Variants in CCSER1 observed in about 807,000 individuals in gnomAD.
CCSER1 encodes the protein serine-rich coiled-coil domain-containing protein 1.
In CCSER1, 41 loss-of-function variants were observed where a neutral mutation model predicts 82.0. The ratio of observed to expected loss-of-function variants is 0.50; its 90% confidence interval spans 0.39 to 0.65. The LOEUF is 0.65. Ranked by LOEUF, CCSER1 falls within the 30% of genes least tolerant of loss-of-function variation. The pLI, the probability that CCSER1 is intolerant of heterozygous loss-of-function variation, is 0.00. For missense variants in CCSER1, 1,119 were observed against 1,064.2 expected, an observed-to-expected ratio of 1.05 and a Z score of -0.72; for synonymous variants, 414 against 383.9, an observed-to-expected ratio of 1.08 and a Z score of -0.92.
rs190985565 is a variant in CCSER1 at position 91,114,073 on chromosome 4, C to T, written c.2217+28079C>T. On this transcript the variant is annotated intron_variant, in intron 10 of 10. Transcript: ENST00000509176. The stretch of plus-strand genomic sequence containing the variant: ...TTCATCGTGTTAGCCAGGATGGTCT[C>T]GATCTCCTGACCTCGTGATCCGCCC... Among the ~76,000 whole-genome samples the T allele has an allele frequency of 3.9e-5, 6 of 152,164 alleles. No individual in the cohort carries two copies. In the East Asian group the frequency reaches 1.2e-3, roughly 30 times the overall value.
chr4:90,750,688 C>G (rs1054229625), intron 7 of CCSER1, among the ~76,000 whole-genome samples: 2 of 152,062 alleles, frequency 1.3e-5, no homozygotes, highest in African/African-American at 4.8e-5. Flanking sequence ...TTTTGAAGAA[C>G]AATTCTATGC....
intron 1 of CCSER1, among the ~76,000 whole-genome samples, chr4:90,128,614 G>A (rs1302028794): frequency 5.9e-5 from 9 of 152,074 alleles, no homozygotes; most frequent in Admixed American, 5.9e-4. Context: ...TGGCCCCTTC[G>A]ACTTTTGGCT....
Position 91,010,738 on chromosome 4 carries a change from C to T in CCSER1, c.2173-75212C>T, listed in dbSNP as rs571576674. Among the ~76,000 whole-genome samples, 32 of 131,520 alleles carry T rather than the reference C, an allele frequency of 2.4e-4. 1 individual carries two copies. The highest frequency in any genetic ancestry group is 7.8e-4 in the African/African-American group (31 of 39,866). The allele number at this position is 131,520 out of a possible 152,430, so 86.3% of individuals were successfully genotyped here. A position where few individuals can be genotyped will look rare whatever the true frequency, so the allele number is the denominator to read the frequency against. ...ATTTTTTCATTTCACTTGTTGAATT[C>T]TTCACCTCTTAATATTTCTGCTTGT... is the stretch of plus-strand genomic sequence containing the variant. On this transcript the variant is annotated intron_variant, in intron 9 of 10. Coordinates refer to ENST00000509176, the MANE Select transcript of CCSER1 (RefSeq NM_001145065.2).
chr4:90,309,291 C>T lies in CCSER1; in HGVS notation c.1007C>T (p.Ser336Leu). Residue 336 changes from serine (S) to leucine (L), a missense_variant, in exon 2 of 11, where the codon TCA becomes TTA. Transcript: ENST00000509176. ...GGTCAATGTAGCACTGAATCTAATTCATTACCGGAAACCTCTGCTGCTAAT... is the reference window on the plus strand; with the variant it reads ...GGTCAATGTAGCACTGAATCTAATTTATTACCGGAAACCTCTGCTGCTAAT... The part of the protein sequence containing the change: ...LEGQCSTESN[S>L]LPETSAANQK... 6.2e-7 allele frequency: 1 copy of T among 1,613,782 alleles called. No individual in the cohort carries two copies.
chr4:90,750,348 C>T (rs372328944), intron 7 of CCSER1, among the ~76,000 whole-genome samples: 6 of 152,196 alleles, frequency 3.9e-5, no homozygotes, highest in African/African-American at 4.8e-5. Flanking sequence ...CTGCTAGGGA[C>T]GGAAGGAGAA....
At chr4:90,567,452 T>C (rs1779541329) in intron 5 of CCSER1, among the ~76,000 whole-genome samples, 1 of 151,956 alleles carries the variant, frequency 6.6e-6, no homozygotes, top group Non-Finnish European at 1.5e-5. Context: ...CACTACGCTT[T>C]CCTAATTTTG....
intron 10 of CCSER1, among the ~76,000 whole-genome samples, chr4:91,497,712 G>C (rs148340161): frequency 1.0e-3 from 155 of 151,890 alleles, no homozygotes; most frequent in African/African-American, 3.2e-3. Context: ...GTTTTCTTCA[G>C]TTTGACTTTG....
At chr4:90,694,961 A>G (rs1390601113) in intron 6 of CCSER1, among the ~76,000 whole-genome samples, 2 of 151,498 alleles carry the variant, frequency 1.3e-5, no homozygotes, top group African/African-American at 2.4e-5. Context: ...GCTACAATTT[A>G]CCAGTAACAT....
At chr4:90,641,313 A>G (rs1726469910) in intron 6 of CCSER1, among the ~76,000 whole-genome samples, 2 of 152,158 alleles carry the variant, frequency 1.3e-5, no homozygotes, top group Admixed American at 1.3e-4. Flanking sequence ...CCATAAGAAA[A>G]AAGATTTAAA....
At chr4:91,315,556 A>T (rs980021962) in intron 10 of CCSER1, among the ~76,000 whole-genome samples, 1 of 151,988 alleles carries the variant, frequency 6.6e-6, no homozygotes, top group Non-Finnish European at 1.5e-5. Flanking sequence ...GCACTGTTCT[A>T]TGTTCTTTAT....
chr4:90,916,007 A>G (rs985598269), intron 8 of CCSER1, among the ~76,000 whole-genome samples: 1 of 152,194 alleles, frequency 6.6e-6, no homozygotes, highest in African/African-American at 2.4e-5. Context: ...GCTCAATGAA[A>G]TAAAAGAGGA....
At chr4:91,258,050 T>G (rs1447987744) in intron 10 of CCSER1, among the ~76,000 whole-genome samples, 2 of 152,110 alleles carry the variant, frequency 1.3e-5, no homozygotes, top group Non-Finnish European at 2.9e-5. Flanking sequence ...CAGTGGGAAG[T>G]GAGACTTCAT....
intron 10 of CCSER1, among the ~76,000 whole-genome samples, chr4:91,219,258 C>T (rs1224454009): frequency 6.6e-6 from 1 of 150,912 alleles, no homozygotes; most frequent in African/African-American, 2.4e-5. Flanking sequence ...TTTACACTGG[C>T]CAATTTTCTT....
chr4:91,241,515 A>G (rs1739361744), intron 10 of CCSER1, among the ~76,000 whole-genome samples: 1 of 147,552 alleles, frequency 6.8e-6, no homozygotes, highest in African/African-American at 2.5e-5. Context: ...TTTAATAGAG[A>G]CGGGGTTTCC....
chr4:90,539,891 T>C (rs1775890914), intron 5 of CCSER1, among the ~76,000 whole-genome samples: 1 of 151,770 alleles, frequency 6.6e-6, no homozygotes, highest in South Asian at 2.1e-4. Flanking sequence ...TTTATATAAG[T>C]AGTAGTAATT....
chr4:91,330,677 A>G (rs889123347), intron 10 of CCSER1, among the ~76,000 whole-genome samples: 2 of 152,150 alleles, frequency 1.3e-5, no homozygotes, highest in African/African-American at 4.8e-5. Context: ...ACAATCAAGG[A>G]GACCAATTGC....
intron 10 of CCSER1, among the ~76,000 whole-genome samples, chr4:91,337,016 G>A (rs1747368384): frequency 6.6e-6 from 1 of 152,046 alleles, no homozygotes; most frequent in East Asian, 1.9e-4. Flanking sequence ...GTCAGTATTA[G>A]ACCTTTTTCA....
intron 6 of CCSER1, among the ~76,000 whole-genome samples, chr4:90,644,286 A>G (rs539865237): frequency 2.1e-4 from 32 of 152,332 alleles, no homozygotes; most frequent in Non-Finnish European, 8.8e-5. Context: ...TCCTAAGCAC[A>G]CAACCTAACG....
At chr4:91,374,958 C>T (rs2149328829) in intron 10 of CCSER1, among the ~76,000 whole-genome samples, 1 of 152,244 alleles carries the variant, frequency 6.6e-6, no homozygotes, top group East Asian at 1.9e-4. Context: ...ATCATCTCAT[C>T]ACTGCATTCC....
Sources: allele counts gnomAD v4.1 joint callset (sites outside exome capture counted in the v4.1 genomes callset), GRCh38; gene constraint gnomAD v4.1.1; transcripts MANE v1.5; gene names NCBI Gene and HGNC (gene_info 2026-07-23, HGNC 2026-07-21).